PARP10: variants seen among roughly 807,000 people sequenced by gnomAD.
PARP10 encodes protein mono-ADP-ribosyltransferase PARP10.
PARP10 carries 56 observed loss-of-function variants against 82.4 expected under a neutral mutation model. The ratio of observed to expected loss-of-function variants is 0.68; its 90% CI spans 0.55 to 0.85. The LOEUF is 0.85. PARP10 is among the 40% of genes least tolerant of loss of function. The pLI, the probability that PARP10 is intolerant of heterozygous loss-of-function variation, is 0.00. For synonymous variants in PARP10, 576 were observed against 601.1 expected (o/e 0.96, Z 0.61); for missense variants, 1,227 against 1,379.4 (o/e 0.89, Z 1.75).
intron 5 of PARP10, 54 bp from the exon 6 acceptor site, chr8:143,984,485 C>T: frequency 1.9e-6 from 3 of 1,590,938 alleles, no homozygotes; most frequent in Admixed American, 1.7e-5. Context: ...AGGAAAGGTA[C>T]TTTGAGTCCC....
chr8:143,993,815 G>T (rs1425767767), upstream of PARP10, among the ~76,000 whole-genome samples: 5 of 152,222 alleles, frequency 3.3e-5, no homozygotes, highest in African/African-American at 1.2e-4. Flanking sequence ...CAGTCCATCT[G>T]TGTGGGCACC....
chr8:143,991,467 G>A (rs782526354), upstream of PARP10: 2 of 1,500,816 alleles, frequency 1.3e-6, no homozygotes, highest in Non-Finnish European at 1.8e-6. Context: ...CTACCCACAG[G>A]GCCCCTACCC....
chr8:143,996,498 G>A (rs377579660), intron 1 of PARP10, among the ~76,000 whole-genome samples: 10 of 152,164 alleles, frequency 6.6e-5, no homozygotes, highest in South Asian at 2.1e-4. Context: ...TGGCTAACTG[G>A]GGCCACTGTT....
chr8:143,988,071 G>A (rs1318425282), upstream of PARP10, among the ~76,000 whole-genome samples: 2 of 149,396 alleles, frequency 1.3e-5, no homozygotes, highest in Non-Finnish European at 3.0e-5. Flanking sequence ...GCCTGGGACT[G>A]GCCCTTCCCT....
At chr8:143,989,374 T>C (rs1469910349), upstream of PARP10, 1 of 152,222 alleles carries the variant, frequency 6.6e-6, no homozygotes, top group Non-Finnish European at 1.5e-5. This position sits in a 1 kb window ranked among gnomAD's most constrained non-coding sequence, Gnocchi z 4.3. Context: ...GTCTCTAGTG[T>C]GAAAACAAGA....
At chr8:143,991,472 C>T (rs1834094503), upstream of PARP10, 2 of 1,509,542 alleles carry the variant, frequency 1.3e-6, no homozygotes, top group South Asian at 2.6e-5. Flanking sequence ...CACAGGGCCC[C>T]TACCCACAAG....
At chr8:143,992,603 A>G (rs1554750740), upstream of PARP10, 2 of 1,614,044 alleles carry the variant, frequency 1.2e-6, no homozygotes, top group African/African-American at 1.3e-5. Context: ...TCTGCTCTTC[A>G]CCTGCGTGAG....
At chr8:143,990,061 GC>G (rs1834064192), upstream of PARP10, 1 of 150,698 alleles carries the variant, frequency 6.6e-6, no homozygotes, top group Non-Finnish European at 1.5e-5. This position sits in a 1 kb window ranked among gnomAD's most constrained non-coding sequence, Gnocchi z 5.6. Flanking sequence ...CCGTCACAAG[GC>G]CCCGCTGCGT....
Position 143,984,207 on chromosome 8 carries a change from T to C in PARP10, c.1680+3A>G, listed in dbSNP as rs782653152. On this transcript the variant is annotated splice_donor_region_variant and intron_variant, in intron 6 of 10. Transcript: ENST00000313028. ...GAGGGCAGGGGTGGGACTCCATCTC[T>C]ACCTCTTCAAGGCCTGTGTCCAACG... 5 of 1,611,606 alleles carry C rather than the reference T, an allele frequency of 3.1e-6. No homozygotes were observed. The highest frequency in any genetic ancestry group is 3.4e-6 in the Non-Finnish European group (4 of 1,178,076).
chr8:143,979,320 G>A (rs1052461618), intron 9 of PARP10, among the ~76,000 whole-genome samples: 8 of 152,082 alleles, frequency 5.3e-5, no homozygotes, highest in Non-Finnish European at 8.8e-5. Flanking sequence ...TATGCAAACC[G>A]GAAGAAGTCT....
chr8:143,999,593 C>T (rs977210429), intron 1 of PARP10, among the ~76,000 whole-genome samples: 4 of 151,810 alleles, frequency 2.6e-5, no homozygotes, highest in Non-Finnish European at 5.9e-5. Flanking sequence ...CTCAAGCAAT[C>T]CTCTTGCCTC....
chr8:144,012,320 G>T, intron 1 of PARP10: 1 of 599,132 alleles, frequency 1.7e-6, no homozygotes, highest in Non-Finnish European at 3.0e-6. Flanking sequence ...AGGCCTGGTG[G>T]CATGGAGAGC....
chr8:144,000,777 G>A (rs1382093964), intron 1 of PARP10, among the ~76,000 whole-genome samples: 1 of 152,148 alleles, frequency 6.6e-6, no homozygotes, highest in Non-Finnish European at 1.5e-5. Flanking sequence ...GGTCATGGTG[G>A]CTCACACCTA....
At chr8:143,982,801 CT>C (rs531309783) in intron 9 of PARP10, 130 bp downstream of exon 9, 1,098 of 1,431,466 alleles carry the variant, frequency 7.7e-4, no homozygotes, top group Admixed American at 9.1e-4. Context: ...GAGAACAGGG[CT>C]GGGAGCCTGT....
chr8:144,006,027 C>T (rs1425350332), intron 1 of PARP10, among the ~76,000 whole-genome samples: 2 of 152,238 alleles, frequency 1.3e-5, no homozygotes, highest in Admixed American at 6.5e-5. Flanking sequence ...TGGGGACCCT[C>T]ATTCAGGCCT....
chr8:144,006,478 G>C (rs782092128), intron 1 of PARP10, among the ~76,000 whole-genome samples: 6 of 152,240 alleles, frequency 3.9e-5, no homozygotes, highest in Admixed American at 2.0e-4. Context: ...GTCTGATGAG[G>C]AGTGATGAAG....
At chr8:144,002,967 A>G (rs1301383425) in intron 1 of PARP10, among the ~76,000 whole-genome samples, 1 of 152,236 alleles carries the variant, frequency 6.6e-6, no homozygotes, top group Non-Finnish European at 1.5e-5. Context: ...GATATTCATA[A>G]CACATGCAAC....
At position 143,977,316 on chromosome 8, in the gene PARP10, C is replaced by G. The variant is rs1134030; in HGVS notation, c.*168G>C. The stretch of plus-strand genomic sequence containing the variant: ...CCAGGCTGGGACCTAGCCCGGCCCC[C>G]CTCGGCCGCTGCTGACCGCCATCCC... On this transcript the variant is annotated 3_prime_UTR_variant, in exon 11 of 11. Transcript: ENST00000313028. 11 of 742,926 alleles carry G rather than the reference C, an allele frequency of 1.5e-5. No homozygotes were observed. The Admixed American group carries it at 3.3e-4, about 22-fold the overall frequency. 46.0% of individuals were successfully genotyped at this position (742,926 alleles called of 1,614,324 possible).
chr8:144,010,083 G>T (rs1421891901), intron 1 of PARP10, among the ~76,000 whole-genome samples: 2 of 152,144 alleles, frequency 1.3e-5, no homozygotes, highest in Non-Finnish European at 2.9e-5. Context: ...CATCCACCCT[G>T]CTCATTCTGT....
Sources: gnomAD v4.1 joint callset for allele counts (sites outside exome capture counted in the v4.1 genomes callset) on GRCh38, gnomAD v4.1.1 for gene constraint, Gnocchi (gnomAD v3.1) non-coding constraint, MANE v1.5 for transcripts, NCBI Gene and HGNC (gene_info 2026-07-23, HGNC 2026-07-21) for gene names.